The following TLN2 variants were observed in gnomAD, a reference collection of about 807,000 sequenced individuals.
TLN2 encodes talin-2.
Under a neutral mutation model 294.7 loss-of-function variants are expected in TLN2, and 118 were observed. That is an observed-to-expected ratio of 0.40 (90% CI 0.34 to 0.47). TLN2 has a LOEUF of 0.47. Among genes scored for constraint, TLN2 ranks in the 20% least tolerant of loss-of-function variants. TLN2 has a pLI of 0.84. For synonymous variants in TLN2, 1,431 were observed against 1,304.5 expected (o/e 1.10, Z -2.09); for missense variants, 3,083 against 3,282.2 (o/e 0.94, Z 1.48).
intron 1 of TLN2, among the ~76,000 whole-genome samples, chr15:62,567,551 C>A (rs1245897311): frequency 6.6e-6 from 1 of 152,180 alleles, no homozygotes; most frequent in East Asian, 1.9e-4. Flanking sequence ...AATGAGGGGA[C>A]CAGCCAGGAG....
rs140907141 is a variant in TLN2, at chr15:62,623,037, C to T, written c.-37+4562C>T. Among the ~76,000 whole-genome samples, 178 of 152,302 alleles carry T rather than the reference C, an allele frequency of 1.2e-3. 1 individual carries two copies. The highest frequency in any genetic ancestry group is 2.1e-3 in the Non-Finnish European group (142 of 68,032). Reference sequence around the variant, plus strand: ...TGACAGGGCTAATCAGGGTGATCAACGTGGCCTCCAGTCCTCATGGTGTAG... The same window carrying T: ...TGACAGGGCTAATCAGGGTGATCAATGTGGCCTCCAGTCCTCATGGTGTAG... On this transcript the variant is annotated intron_variant, in intron 3 of 58. Transcript: ENST00000636159.
intron 36 of TLN2, 135 bp downstream of exon 36, chr15:62,754,051 G>C: frequency 8.2e-7 from 1 of 1,222,720 alleles, no homozygotes; most frequent in African/African-American, 1.6e-5. Context: ...CAGCATTGTA[G>C]ATAATGACTC....
intron 1 of TLN2, among the ~76,000 whole-genome samples, chr15:62,515,944 C>A (rs952287084): frequency 6.6e-6 from 1 of 152,158 alleles, no homozygotes; most frequent in Non-Finnish European, 1.5e-5. Flanking sequence ...TGCTGCTGAA[C>A]CCCCTATGCA....
intron 1 of TLN2, among the ~76,000 whole-genome samples, chr15:62,558,664 A>G (rs1240952806): frequency 2.6e-5 from 4 of 152,228 alleles, no homozygotes; most frequent in East Asian, 1.9e-4. Context: ...TCTAGCTTAT[A>G]TAGCATCTTC....
chr15:62,582,832 G>T lies in TLN2; in HGVS notation c.-237-6855G>T, dbSNP rs1286312351. 2.0e-5 allele frequency among the ~76,000 whole-genome samples: 3 copies of T among 152,158 alleles called. No homozygotes were observed. In the South Asian group the frequency reaches 6.2e-4, roughly 32 times the overall value. ...GCAAGCAGGTGGGCCTGGGAAGGCT[G>T]CCACGGTAGATCAGAGTGTAGCCCA... On this transcript the variant is annotated intron_variant, in intron 1 of 58. Transcript: ENST00000636159.
At chr15:62,623,617 A>G (rs2049021058) in intron 3 of TLN2, among the ~76,000 whole-genome samples, 1 of 152,192 alleles carries the variant, frequency 6.6e-6, no homozygotes, top group Admixed American at 6.5e-5. Flanking sequence ...TTTGGTGTTG[A>G]CAGTATTCCT....
In TLN2 at chr15:62,750,871, C is replaced by T. The variant is rs186232502; in HGVS notation, c.4209+380C>T. 3.0e-4 allele frequency among the ~76,000 whole-genome samples: 45 copies of T among 152,158 alleles called. No individual in the cohort carries two copies. In the South Asian group the frequency reaches 6.2e-3, roughly 21 times the overall value. On this transcript the variant is annotated intron_variant, in intron 34 of 58. Transcript: ENST00000636159. ...AAGTCAAATCGTGTATTTTCTACAC[C>T]GGAACTGATTTGGAAAGTCCTTCAG...
intron 2 of TLN2, among the ~76,000 whole-genome samples, chr15:62,596,285 T>C (rs1007081853): frequency 1.1e-4 from 13 of 123,210 alleles, no homozygotes; most frequent in East Asian, 3.2e-4. Context: ...AAAAAAGGTA[T>C]TCTTGAAAAT....
At position 62,673,249 on chromosome 15, in the gene TLN2, C is replaced by T. The variant is rs367746775; in HGVS notation, c.789-578C>T. Among the ~76,000 whole-genome samples the T allele has an allele frequency of 1.9e-4, 27 of 140,544 alleles. 1 individual carries two copies. In the East Asian group the frequency reaches 3.3e-3, roughly 17 times the overall value. 92.2% of individuals were successfully genotyped at this position (140,544 alleles called of 152,430 possible). On this transcript the variant is annotated intron_variant, in intron 9 of 58. Coordinates refer to ENST00000636159, the MANE Select transcript of TLN2 (RefSeq NM_015059.3). ...GCAGTTACTTGACATAATTATTCTTCCTGTAGTTATGCTGTCAGCTTGATA... is the reference window on the plus strand; with the variant it reads ...GCAGTTACTTGACATAATTATTCTTTCTGTAGTTATGCTGTCAGCTTGATA...
rs1323171310 is a variant in TLN2, at chr15:62,809,205, G to C, written c.6664-720G>C. Among the ~76,000 whole-genome samples, 3 of 152,148 alleles carry C rather than the reference G, an allele frequency of 2.0e-5. No homozygotes were observed. In the South Asian group the frequency reaches 6.2e-4, roughly 32 times the overall value. On this transcript the variant is annotated intron_variant, in intron 51 of 58. Transcript: ENST00000636159. The stretch of plus-strand genomic sequence containing the variant: ...ATCTGAAATTCAAATTTAACTGGGT[G>C]CATTTTATCTGGTGACTCTGTGAAT...
chr15:62,768,931 T>G (rs1444713784), intron 41 of TLN2, among the ~76,000 whole-genome samples: 1 of 152,202 alleles, frequency 6.6e-6, no homozygotes, highest in Non-Finnish European at 1.5e-5. Flanking sequence ...GAAACTGAAG[T>G]GGAGCAATTG....
In TLN2 at chr15:62,647,256, G is replaced by T; in HGVS notation, c.-36-19G>T. ...ATTATTATCGTGAACATCAGGGTTT[G>T]TCTCTTTGTGTTTTCCAGACATTCT... On this transcript the variant is annotated intron_variant, in intron 3 of 58. Transcript: ENST00000636159. The T allele has an allele frequency of 1.9e-6, 3 of 1,573,762 alleles. No individual in the cohort carries two copies. The highest frequency in any genetic ancestry group is 1.4e-5 in the African/African-American group (1 of 73,566).
At chr15:62,631,292 A>G (rs538308709) in intron 3 of TLN2, among the ~76,000 whole-genome samples, 1 of 152,266 alleles carries the variant, frequency 6.6e-6, no homozygotes, top group East Asian at 1.9e-4. Context: ...ATTAAGTTTC[A>G]ACATGAATTT....
chr15:62,720,340 G>C (rs1320374426), intron 25 of TLN2, among the ~76,000 whole-genome samples: 4 of 152,198 alleles, frequency 2.6e-5, no homozygotes, highest in Non-Finnish European at 4.4e-5. Context: ...TCTGTGGGGT[G>C]AAGGGTAGAT....
At chr15:62,532,142 C>T (rs62006695) in intron 1 of TLN2, among the ~76,000 whole-genome samples, 16,608 of 151,880 alleles carry the variant, frequency 0.11, 954 homozygotes, top group Non-Finnish European at 0.13. Flanking sequence ...CTTGACTTCC[C>T]AGGCTCAGGC....
intron 1 of TLN2, among the ~76,000 whole-genome samples, chr15:62,562,961 CACACACACA>C (rs1567104886): frequency 4.5e-5 from 6 of 134,816 alleles, no homozygotes; most frequent in Admixed American, 1.6e-4. Flanking sequence ...CACACACACA[CACACACACA>C]CCAGTTTCTT....
intron 1 of TLN2, among the ~76,000 whole-genome samples, chr15:62,486,448 C>CTTTTTT (rs1555415721): frequency 2.8e-5 from 3 of 106,676 alleles, no homozygotes; most frequent in African/African-American, 1.1e-4. Flanking sequence ...GGAACAGTTC[C>CTTTTTT]TTTGTTTTTT....
chr15:62,717,742 A>G, intron 24 of TLN2, 53 bp downstream of exon 24: 1 of 1,299,170 alleles, frequency 7.7e-7, no homozygotes, highest in Non-Finnish European at 1.0e-6. Flanking sequence ...CCCTGATAAC[A>G]TTAGAACACC....
chr15:62,423,585 A>ATT (rs879392912), intron 1 of TLN2, among the ~76,000 whole-genome samples: 5 of 145,816 alleles, frequency 3.4e-5, no homozygotes, highest in African/African-American at 1.3e-4. Context: ...GATGAAATTG[A>ATT]TTTTTTTTTT....
Sources: allele counts gnomAD v4.1 joint callset (sites outside exome capture counted in the v4.1 genomes callset), GRCh38; gene constraint gnomAD v4.1.1; transcripts MANE v1.5; gene names NCBI Gene and HGNC (gene_info 2026-07-23, HGNC 2026-07-21).